The following CDC42BPB variants were observed in gnomAD, a reference collection of about 807,000 sequenced individuals.
CDC42BPB encodes the protein serine/threonine-protein kinase MRCK beta.
CDC42BPB carries 37 observed loss-of-function variants against 214.9 expected under a neutral mutation model. The observed-to-expected ratio is 0.17, with a 90% CI of 0.13 to 0.23. The LOEUF is 0.23. Ranked by LOEUF, CDC42BPB falls within the 10% of genes least tolerant of loss-of-function variation. The probability of loss-of-function intolerance (pLI) is 1.00; values close to 1 mark genes in which losing one functional copy is unlikely to be tolerated. For synonymous variants in CDC42BPB, 931 were observed against 884.0 expected (o/e 1.05, Z -0.94); for missense variants, 1,694 against 2,227.0 (o/e 0.76, Z 4.82).
intron 1 of CDC42BPB, among the ~76,000 whole-genome samples, chr14:103,014,907 G>A (rs1348795146): frequency 6.6e-6 from 1 of 152,134 alleles, no homozygotes; most frequent in Non-Finnish European, 1.5e-5. Flanking sequence ...ATGAGACGCA[G>A]GAAGCAGTTC....
intron 5 of CDC42BPB, chr14:102,986,808 C>T (rs1351848538): frequency 1.4e-5 from 12 of 834,170 alleles, no homozygotes; most frequent in African/African-American, 5.5e-5. Flanking sequence ...GGCCCTGTGA[C>T]GATTCCTACT....
At chr14:102,947,591 G>A in intron 27 of CDC42BPB, 130 bp downstream of exon 27, 2 of 801,070 alleles carry the variant, frequency 2.5e-6, no homozygotes, top group Non-Finnish European at 4.2e-6. Flanking sequence ...AGGACCTGGA[G>A]CCAGGCTGGA....
chr14:102,967,228 G>C, intron 16 of CDC42BPB, 58 bp from the exon 17 acceptor site: 2 of 1,550,718 alleles, frequency 1.3e-6, no homozygotes, highest in Non-Finnish European at 1.8e-6. Flanking sequence ...TAAGTATGCT[G>C]GATTTAACAC....
chr14:103,045,409 A>T (rs1888233651), intron 1 of CDC42BPB, among the ~76,000 whole-genome samples: 1 of 152,180 alleles, frequency 6.6e-6, no homozygotes, highest in African/African-American at 2.4e-5. Flanking sequence ...ACAAAAGCCC[A>T]GCTGTGAACA....
chr14:103,001,711 G>A lies in CDC42BPB; in HGVS notation c.448-1998C>T, dbSNP rs1249234755. Among the ~76,000 whole-genome samples, 1 of 152,192 alleles carries A rather than the reference G, an allele frequency of 6.6e-6. No individual in the cohort carries two copies. Among genetic ancestry groups the A allele is most frequent in the Non-Finnish European group, 1.5e-5 (1 of 68,024 alleles). On this transcript the variant is annotated intron_variant, in intron 4 of 36. Coordinates refer to ENST00000361246, the MANE Select transcript of CDC42BPB (RefSeq NM_006035.4). This position sits in a 1 kb window ranked among gnomAD's most constrained non-coding sequence, Gnocchi z 5.8. ...TCCAGAGGGAGCGGCCCCGGCAGCT[G>A]ACGGACACACACGGGGCCAGGGGAG...
At chr14:103,042,024 C>T (rs945786226) in intron 1 of CDC42BPB, 7 of 226,786 alleles carry the variant, frequency 3.1e-5, no homozygotes, top group South Asian at 1.3e-4. Flanking sequence ...TCCATGCTGA[C>T]GCCCGGCTCT....
At chr14:103,017,533 G>A (rs760222820) in intron 1 of CDC42BPB, among the ~76,000 whole-genome samples, 7 of 152,036 alleles carry the variant, frequency 4.6e-5, no homozygotes, top group African/African-American at 1.4e-4. Context: ...CATCAGTTAC[G>A]TGATGAGACG....
chr14:102,974,306 AC>A, intron 11 of CDC42BPB, 157 bp from the exon 12 acceptor site: 1 of 984,794 alleles, frequency 1.0e-6, no homozygotes. Flanking sequence ...ACACACACAC[AC>A]ACACACACAC....
chr14:102,950,411 T>C (rs568669552), intron 25 of CDC42BPB, 55 bp downstream of exon 25: 6 of 1,600,700 alleles, frequency 3.7e-6, no homozygotes, highest in Non-Finnish European at 4.3e-6. Context: ...GCATGGCTAT[T>C]GGTCACTGCA....
chr14:102,973,982 G>A (rs1299701468), intron 12 of CDC42BPB, 34 bp downstream of exon 12: 12 of 1,580,620 alleles, frequency 7.6e-6, no homozygotes, highest in African/African-American at 4.1e-5. Flanking sequence ...GCAAAGTCCC[G>A]TAAGCCTTTC....
At chr14:103,019,453 C>A (rs906609999) in intron 1 of CDC42BPB, among the ~76,000 whole-genome samples, 1 of 152,194 alleles carries the variant, frequency 6.6e-6, no homozygotes, top group Admixed American at 6.5e-5. Flanking sequence ...TCACCCAGCA[C>A]AAAGCCACCT....
intron 1 of CDC42BPB, among the ~76,000 whole-genome samples, chr14:103,038,715 CGGG>C (rs34311134): frequency 3.4e-5 from 1 of 29,122 alleles, no homozygotes; most frequent in Non-Finnish European, 6.9e-5. Flanking sequence ...TTTGTAGAGA[CGGG>C]GGGGGGGGGC....
chr14:103,022,812 C>T (rs759027986), intron 1 of CDC42BPB, among the ~76,000 whole-genome samples: 2 of 152,124 alleles, frequency 1.3e-5, no homozygotes, highest in Non-Finnish European at 2.9e-5. Flanking sequence ...ACAGCCAATT[C>T]CTTGAAACGA....
chr14:103,053,209 G>A (rs898852974), intron 1 of CDC42BPB, among the ~76,000 whole-genome samples: 11 of 151,944 alleles, frequency 7.2e-5, no homozygotes, highest in African/African-American at 2.7e-4. Context: ...TTAGCCAGGC[G>A]TGGTGGCAGG....
intron 8 of CDC42BPB, 71 bp from the exon 9 acceptor site, chr14:102,978,276 TAC>T: frequency 6.3e-7 from 1 of 1,598,956 alleles, no homozygotes; most frequent in Non-Finnish European, 8.5e-7. Context: ...GAAAGATGGT[TAC>T]AGTCATGGTG....
chr14:102,970,090 T>C (rs1252824424), intron 14 of CDC42BPB, 61 bp downstream of exon 14: 4 of 1,312,600 alleles, frequency 3.0e-6, no homozygotes, highest in African/African-American at 2.9e-5. Flanking sequence ...TTCCATGTGG[T>C]GGCGTCAGCA....
At chr14:103,005,889 G>A (rs1255307353) in intron 3 of CDC42BPB, among the ~76,000 whole-genome samples, 2 of 151,594 alleles carry the variant, frequency 1.3e-5, no homozygotes, top group Non-Finnish European at 2.9e-5. Context: ...GCGTGGTGGC[G>A]GGTGCCTGTA....
rs367748831 is a variant in CDC42BPB at position 103,003,910 on chromosome 14, T to C, written c.447+18A>G. On this transcript the variant is annotated intron_variant, in intron 4 of 36. Coordinates refer to ENST00000361246, the MANE Select transcript of CDC42BPB (RefSeq NM_006035.4). ...CCGGAGCGAATGCCCTGACCGAGTCTCTGGCTGTGCGACCTACCAGGTGGT... is the reference window on the plus strand; with the variant it reads ...CCGGAGCGAATGCCCTGACCGAGTCCCTGGCTGTGCGACCTACCAGGTGGT... The C allele has an allele frequency of 9.1e-5, 145 of 1,596,732 alleles. No individual in the cohort carries two copies. Among genetic ancestry groups the C allele is most frequent in the Non-Finnish European group, 1.2e-4 (137 of 1,166,218 alleles).
Position 103,001,238 on chromosome 14 carries a change from C to A in CDC42BPB, c.448-1525G>T, listed in dbSNP as rs895068557. On this transcript the variant is annotated intron_variant, in intron 4 of 36. Coordinates refer to ENST00000361246, the MANE Select transcript of CDC42BPB (RefSeq NM_006035.4). This position sits in a 1 kb window ranked among gnomAD's most constrained non-coding sequence, Gnocchi z 5.8. The stretch of plus-strand genomic sequence containing the variant: ...CGCCGAGTTTTTCAATTTGTTCATT[C>A]GCTCGTGCACCCTCACTGTGGCCCC... Among the ~76,000 whole-genome samples, 1 of 152,162 alleles carries A rather than the reference C, an allele frequency of 6.6e-6. No homozygotes were observed. The highest frequency in any genetic ancestry group is 1.5e-5 in the Non-Finnish European group (1 of 68,034).
Sources: gnomAD v4.1 joint callset for allele counts (sites outside exome capture counted in the v4.1 genomes callset) on GRCh38, gnomAD v4.1.1 for gene constraint, Gnocchi (gnomAD v3.1) non-coding constraint, MANE v1.5 for transcripts, NCBI Gene and HGNC (gene_info 2026-07-23, HGNC 2026-07-21) for gene names.